The following DOP1A variants were observed in gnomAD, a reference collection of about 807,000 sequenced individuals.
DOP1A encodes the protein protein DOP1A.
A neutral mutation model predicts 267.6 loss-of-function variants in DOP1A; 90 were observed. That is an observed-to-expected ratio of 0.34 (90% CI 0.28 to 0.40). The LOEUF (loss-of-function observed/expected upper bound fraction) is 0.40. Among genes scored for constraint, DOP1A ranks in the 10% least tolerant of loss-of-function variants. The pLI is 1.00. For missense variants in DOP1A, 2,437 were observed against 2,900.4 expected (o/e 0.84, Z 3.67); for synonymous variants, 932 against 999.1 (o/e 0.93, Z 1.27).
At chr6:83,136,012 A>G (rs1388516214) in intron 20 of DOP1A, 134 bp downstream of exon 20, 5 of 1,037,094 alleles carry the variant, frequency 4.8e-6, no homozygotes, top group Non-Finnish European at 6.9e-6. Context: ...CTCCTCATGC[A>G]CTAGCAATGC....
At chr6:83,146,132 C>CA (rs1780605338) in intron 25 of DOP1A, among the ~76,000 whole-genome samples, 2 of 152,186 alleles carry the variant, frequency 1.3e-5, no homozygotes, top group South Asian at 4.1e-4. Context: ...TATGCAAGTG[C>CA]TACACTATGA....
intron 26 of DOP1A, among the ~76,000 whole-genome samples, chr6:83,148,076 G>A (rs1780898045): frequency 6.6e-6 from 1 of 152,106 alleles, no homozygotes; most frequent in Admixed American, 6.6e-5. Flanking sequence ...TTACTTTTGA[G>A]ATCCCATGTG....
At chr6:83,135,930 T>C (rs748983170) in intron 20 of DOP1A, 52 bp downstream of exon 20, 1 of 1,571,290 alleles carries the variant, frequency 6.4e-7, no homozygotes. Context: ...TAAAATAAAG[T>C]GATACATGAA....
Position 83,130,226 on chromosome 6 carries a change from G to A in DOP1A, c.2445G>A (p.Met815Ile). 1 of 1,614,074 alleles carries A rather than the reference G, an allele frequency of 6.2e-7. No individual in the cohort carries two copies. Among genetic ancestry groups the A allele is most frequent in the Non-Finnish European group, 8.5e-7 (1 of 1,179,982 alleles). ...AGAGTGTTGCTATTTCACTAGTTATGGACCTGGTGGGACTGACACAGTCTG... is the reference window on the plus strand; with the variant it reads ...AGAGTGTTGCTATTTCACTAGTTATAGACCTGGTGGGACTGACACAGTCTG... The part of the protein sequence containing the change: ...SVQSVAISLV[M>I]DLVGLTQSVA... Residue 815 changes from methionine (M) to isoleucine (I), a missense_variant, in exon 17 of 39, where the codon ATG (methionine) becomes ATA (isoleucine). This residue lies in a region of DOP1A where 878 missense variants were observed against 992.9 expected (regional missense o/e 0.88). Transcript: ENST00000349129.
intron 15 of DOP1A, among the ~76,000 whole-genome samples, chr6:83,126,686 G>T (rs1777207794): frequency 6.6e-6 from 1 of 152,120 alleles, no homozygotes; most frequent in Non-Finnish European, 1.5e-5. Flanking sequence ...AGCCTTAGAG[G>T]AATTGGTGTG....
At chr6:83,134,063 G>T in intron 18 of DOP1A, 124 bp from the exon 19 acceptor site, 1 of 578,624 alleles carries the variant, frequency 1.7e-6, no homozygotes, top group Non-Finnish European at 2.9e-6. Flanking sequence ...TTATTGCAAT[G>T]TGTGTTTGAA....
At chr6:83,160,911 A>G (rs988647016) in intron 37 of DOP1A, among the ~76,000 whole-genome samples, 21 of 152,120 alleles carry the variant, frequency 1.4e-4, no homozygotes, top group African/African-American at 5.1e-4. Context: ...ACTTAATGGT[A>G]AGAACTAGAA....
chr6:83,156,187 G>C, intron 34 of DOP1A, 84 bp downstream of exon 34: 1 of 1,109,476 alleles, frequency 9.0e-7, no homozygotes, highest in Non-Finnish European at 1.3e-6. Flanking sequence ...ACTAAGTTGG[G>C]GTAAAATATA....
In DOP1A at chr6:83,088,124, G is replaced by A. The variant is rs543898317; in HGVS notation, c.-146-8607G>A. 5.9e-5 allele frequency among the ~76,000 whole-genome samples: 9 copies of A among 151,968 alleles called. 1 individual carries two copies. The highest frequency in any genetic ancestry group is 5.2e-4 in the Admixed American group (8 of 15,244). On this transcript the variant is annotated intron_variant, in intron 1 of 38. Transcript: ENST00000349129. ...CCTGACCTCATGATCTACCCCTCTC[G>A]GTCTCCCAAAGTGTTGGGATTACAG...
At chr6:83,094,303 T>C (rs1771043843) in intron 1 of DOP1A, among the ~76,000 whole-genome samples, 1 of 152,258 alleles carries the variant, frequency 6.6e-6, no homozygotes, top group South Asian at 2.1e-4. Flanking sequence ...TGTGTGTCAG[T>C]TGATGAATAT....
chr6:83,100,987 T>C, intron 4 of DOP1A, 101 bp downstream of exon 4: 1 of 718,342 alleles, frequency 1.4e-6, no homozygotes, highest in Middle Eastern at 4.6e-4. Flanking sequence ...TGAAAACTCC[T>C]TAGTGATTAG....
chr6:83,132,458 C>T, intron 18 of DOP1A, 130 bp downstream of exon 18: 1 of 1,010,372 alleles, frequency 9.9e-7, no homozygotes. Context: ...TAGCTTTGTT[C>T]ACAGTGATCT....
intron 8 of DOP1A, 135 bp downstream of exon 8, chr6:83,119,122 T>C (rs561018244): frequency 5.8e-6 from 4 of 690,766 alleles, no homozygotes; most frequent in Non-Finnish European, 9.9e-6. Flanking sequence ...AATAAAAATA[T>C]AAACAGTATT....
At chr6:83,139,913 C>T in intron 21 of DOP1A, 87 bp from the exon 22 acceptor site, 2 of 824,376 alleles carry the variant, frequency 2.4e-6, no homozygotes, top group Non-Finnish European at 3.9e-6. Context: ...CTTCTGTGTA[C>T]CTGACACATT....
At chr6:83,150,935 C>T (rs922839663) in intron 27 of DOP1A, among the ~76,000 whole-genome samples, 13 of 152,074 alleles carry the variant, frequency 8.5e-5, no homozygotes, top group Non-Finnish European at 1.3e-4. Flanking sequence ...AAATAAAACA[C>T]CATGTGTCCC....
intron 24 of DOP1A, among the ~76,000 whole-genome samples, chr6:83,143,535 A>G (rs1779970981): frequency 6.6e-6 from 1 of 152,214 alleles, no homozygotes; most frequent in African/African-American, 2.4e-5. Flanking sequence ...AATGTAAATA[A>G]TAGTAATGTC....
intron 38 of DOP1A, chr6:83,167,628 T>C: frequency 8.1e-7 from 1 of 1,229,052 alleles, no homozygotes. Flanking sequence ...TAAGCTTATC[T>C]GCGCATTCTA....
At position 83,140,214 on chromosome 6, in the gene DOP1A, T is replaced by C. The variant is rs1200792031; in HGVS notation, c.5233-7T>C. The C allele has an allele frequency of 6.2e-7, 1 of 1,608,558 alleles. No individual in the cohort carries two copies. The highest frequency in any genetic ancestry group is 2.2e-5 in the East Asian group (1 of 44,822). ...TAATATGTTTCTTTTCCCCCAACTG[T>C]TAATAGCTTTTGGTCAGTGTAGACC... On this transcript the variant is annotated splice_polypyrimidine_tract_variant and splice_region_variant and intron_variant, in intron 22 of 38. Transcript: ENST00000349129.
At chr6:83,106,022 A>G (rs561879786) in intron 4 of DOP1A, among the ~76,000 whole-genome samples, 100 of 152,310 alleles carry the variant, frequency 6.6e-4, no homozygotes, top group Non-Finnish European at 1.2e-3. Context: ...ATTGTTCTAT[A>G]CTTTTTTGAA....
Sources: gnomAD v4.1 joint callset for allele counts (sites outside exome capture counted in the v4.1 genomes callset) on GRCh38, gnomAD v4.1.1 for gene constraint, gnomAD v4.1.1 regional missense constraint, MANE v1.5 for transcripts, NCBI Gene and HGNC (gene_info 2026-07-23, HGNC 2026-07-21) for gene names.